MYH15: variants seen among roughly 807,000 people sequenced by gnomAD.
MYH15 encodes the protein myosin-15.
In MYH15, 227 loss-of-function variants were observed where a neutral mutation model predicts 240.5. That is an observed-to-expected ratio of 0.94 (90% CI 0.85 to 1.05). The LOEUF (loss-of-function observed/expected upper bound fraction) is 1.05. MYH15 is among the 50% of genes least tolerant of loss of function. MYH15 has a pLI of 0.00. For synonymous variants in MYH15, 785 were observed against 796.7 expected (o/e 0.99, Z 0.25); for missense variants, 2,217 against 2,247.5 (o/e 0.99, Z 0.27).
Position 108,500,215 on chromosome 3 carries a change from C to G in MYH15, c.399G>C (p.Gln133His). ...INPYKWLPVY[Q>H]KEVMAAYKGK... ...CTTTGTAGGCGGCCATGACTTCTTT[C>G]TGATACACGGGAAGCCATTTGTAAG... is the stretch of plus-strand genomic sequence containing the variant. The change falls in exon 4 of 41, where the codon CAG (glutamine) becomes CAC (histidine). Residue 133 changes from glutamine to histidine, a missense_variant. Physicochemically the swap from Gln to His is conservative, Grantham distance 24. Coordinates refer to ENST00000693548, the MANE Select transcript of MYH15 (RefSeq NM_014981.3). The G allele has an allele frequency of 6.2e-7, 1 of 1,614,100 alleles. No individual in the cohort carries two copies. Among genetic ancestry groups the G allele is most frequent in the East Asian group, 2.2e-5 (1 of 44,888 alleles).
intron 35 of MYH15, among the ~76,000 whole-genome samples, chr3:108,398,130 G>T (rs1057390237): frequency 6.6e-6 from 1 of 152,188 alleles, no homozygotes; most frequent in African/African-American, 2.4e-5. Flanking sequence ...GAGGCCATTA[G>T]GGTGGACCTT....
At chr3:108,410,018 T>C (rs969326937) in intron 31 of MYH15, among the ~76,000 whole-genome samples, 10 of 152,200 alleles carry the variant, frequency 6.6e-5, no homozygotes, top group Non-Finnish European at 1.3e-4. Context: ...AGTGCGTATA[T>C]GCTGGAGCCG....
At chr3:108,539,364 G>A in the MYH15 span, among the ~76,000 whole-genome samples, 1 of 152,140 alleles carries the variant, frequency 6.6e-6, no homozygotes, top group African/African-American at 2.4e-5. Context: ...GGGACATGAG[G>A]TGGACTTTTG....
At position 108,381,326 on chromosome 3, in the gene MYH15, T is replaced by C; in HGVS notation, c.*219A>G. The C allele has an allele frequency of 1.7e-6, 1 of 598,652 alleles. No homozygotes were observed. Among genetic ancestry groups the C allele is most frequent in the Non-Finnish European group, 3.0e-6 (1 of 334,636 alleles). The allele number at this position is 598,652 out of a possible 1,614,324, so 37.1% of individuals were successfully genotyped here. On this transcript the variant is annotated 3_prime_UTR_variant, in exon 41 of 41. Transcript: ENST00000693548. The stretch of plus-strand genomic sequence containing the variant: ...TTATTTAATCTGTCATGTGAAGCAT[T>C]AGAAGGTAGTTTACTTGCATTTGAG...
intron 35 of MYH15, among the ~76,000 whole-genome samples, chr3:108,396,343 G>GC (rs1428175828): frequency 6.6e-6 from 1 of 151,382 alleles, no homozygotes; most frequent in South Asian, 2.1e-4. Context: ...AGGTAGCAGG[G>GC]TTGGGGGGAG....
At chr3:108,534,184 G>A (rs2083731338), upstream of MYH15, among the ~76,000 whole-genome samples, 1 of 152,126 alleles carries the variant, frequency 6.6e-6, no homozygotes, top group Non-Finnish European at 1.5e-5. Flanking sequence ...CTAATGAGAT[G>A]CCTAGGTTTT....
intron 31 of MYH15, among the ~76,000 whole-genome samples, chr3:108,409,844 A>G (rs907737210): frequency 1.3e-5 from 2 of 152,230 alleles, no homozygotes; most frequent in South Asian, 4.1e-4. Flanking sequence ...AGGATTATTC[A>G]TATTTGTGAA....
At chr3:108,534,430 G>A in the MYH15 span, among the ~76,000 whole-genome samples, 4 of 152,090 alleles carry the variant, frequency 2.6e-5, no homozygotes, top group East Asian at 1.9e-4. Flanking sequence ...TTCATAAGTC[G>A]AAAAAGTGAA....
At chr3:108,457,695 T>A (rs1294709977) in intron 18 of MYH15, among the ~76,000 whole-genome samples, 1 of 152,136 alleles carries the variant, frequency 6.6e-6, no homozygotes, top group Non-Finnish European at 1.5e-5. Context: ...TACCCATATT[T>A]CTATACTCGA....
chr3:108,492,480 C>T lies in MYH15; in HGVS notation c.871+20G>A. 6.4e-7 allele frequency: 1 copy of T among 1,553,654 alleles called. No individual in the cohort carries two copies. Among genetic ancestry groups the T allele is most frequent in the South Asian group, 1.1e-5 (1 of 88,262 alleles). ...TTTCTTGTTTTGGAATAACCCTAAG[C>T]TCCAGAATCCTACACTTACCATGAA... On this transcript the variant is annotated intron_variant, in intron 9 of 40. Transcript: ENST00000693548.
At chr3:108,462,316 T>G (rs947838799) in intron 16 of MYH15, among the ~76,000 whole-genome samples, 16 of 152,176 alleles carry the variant, frequency 1.1e-4, no homozygotes, top group African/African-American at 3.9e-4. Flanking sequence ...GTCTCTGTTT[T>G]GTTCATTCCT....
the MYH15 span, among the ~76,000 whole-genome samples, chr3:108,546,792 T>G: frequency 6.6e-6 from 1 of 152,152 alleles, no homozygotes; most frequent in Admixed American, 6.6e-5. Context: ...TAAAGTTTTT[T>G]CTGGGGTAGT....
rs1180630478 is a variant in MYH15, at chr3:108,509,763, G to A, written c.88+680C>T. Among the ~76,000 whole-genome samples the A allele has an allele frequency of 2.6e-5, 4 of 151,830 alleles. No homozygotes were observed. In the South Asian group the frequency reaches 6.2e-4, roughly 24 times the overall value. The stretch of plus-strand genomic sequence containing the variant: ...CAACACAGACATGTAAAGGTAGCAG[G>A]AAAAAGAATAACATTTATTTAGAGA... On this transcript the variant is annotated intron_variant, in intron 1 of 40. Coordinates refer to ENST00000693548, the MANE Select transcript of MYH15 (RefSeq NM_014981.3).
At chr3:108,541,475 A>T in the MYH15 span, among the ~76,000 whole-genome samples, 63,764 of 151,466 alleles carry the variant, frequency 0.42, 14,441 homozygotes, top group East Asian at 0.59. Flanking sequence ...AAAGATGAAT[A>T]AAAAAAAGAT....
At chr3:108,528,941 T>A (rs1188830347) in intron 1 of MYH15, among the ~76,000 whole-genome samples, 1 of 152,124 alleles carries the variant, frequency 6.6e-6, no homozygotes, top group Non-Finnish European at 1.5e-5. Context: ...GAGAGGAAAT[T>A]CAGTGGAAAA....
Position 108,381,499 on chromosome 3 carries a change from C to T in MYH15, c.*46G>A, listed in dbSNP as rs72939814. 3.5e-4 allele frequency: 560 copies of T among 1,609,412 alleles called. No individual in the cohort carries two copies. The African/African-American group carries it at 6.6e-3, about 19-fold the overall frequency. On this transcript the variant is annotated 3_prime_UTR_variant, in exon 41 of 41. Coordinates refer to ENST00000693548, the MANE Select transcript of MYH15 (RefSeq NM_014981.3). ...CTAAGTTTTTGGCCATGAAACAGCACCTTCCTTGTACTTCTCCAGCTGTTG... is the reference window on the plus strand; with the variant it reads ...CTAAGTTTTTGGCCATGAAACAGCATCTTCCTTGTACTTCTCCAGCTGTTG...
At chr3:108,463,362 T>C in intron 15 of MYH15, 119 bp from the exon 16 acceptor site, 1 of 1,078,664 alleles carries the variant, frequency 9.3e-7, no homozygotes, top group Non-Finnish European at 1.3e-6. Context: ...TTATCCAGGC[T>C]AGAATGCAGT....
At chr3:108,387,365 A>G (rs1439189407) in intron 38 of MYH15, among the ~76,000 whole-genome samples, 1 of 152,182 alleles carries the variant, frequency 6.6e-6, no homozygotes, top group East Asian at 1.9e-4. Context: ...ATATTAGCTG[A>G]TTTGATGGCA....
chr3:108,421,907 T>C (rs1456724), intron 27 of MYH15, among the ~76,000 whole-genome samples: 35,838 of 152,060 alleles, frequency 0.24, 4,780 homozygotes, highest in Non-Finnish European at 0.3. Flanking sequence ...TGGCTTTTCA[T>C]GCCTGGAGAA....
Sources: gnomAD v4.1 joint callset for allele counts (sites outside exome capture counted in the v4.1 genomes callset) on GRCh38, gnomAD v4.1.1 for gene constraint, MANE v1.5 for transcripts, NCBI Gene and HGNC (gene_info 2026-07-23, HGNC 2026-07-21) for gene names.